Variants in CADM2 observed in about 807,000 individuals in gnomAD.
CADM2 encodes the protein cell adhesion molecule 2.
In CADM2, 12 loss-of-function variants were observed where a neutral mutation model predicts 49.8. The ratio of observed to expected loss-of-function variants is 0.24; its 90% confidence interval spans 0.15 to 0.39. The LOEUF (loss-of-function observed/expected upper bound fraction) is 0.39, where lower values mean the gene tolerates loss of function less well. Among genes scored for constraint, CADM2 ranks in the 10% least tolerant of loss-of-function variants. The probability of loss-of-function intolerance (pLI) is 1.00; values close to 1 mark genes in which losing one functional copy is unlikely to be tolerated. For missense variants in CADM2, 378 were observed against 492.3 expected (o/e 0.77, Z 2.20); for synonymous variants, 214 against 175.4 (o/e 1.22, Z -1.74).
chr3:85,751,222 C>T (rs959787271), intron 2 of CADM2, among the ~76,000 whole-genome samples: 6 of 152,020 alleles, frequency 3.9e-5, no homozygotes, highest in Non-Finnish European at 8.8e-5. Context: ...GTCTAACATT[C>T]ATTGAGAAAC....
intron 1 of CADM2, among the ~76,000 whole-genome samples, chr3:85,483,057 C>T (rs1278241536): frequency 6.6e-6 from 1 of 151,420 alleles, no homozygotes; most frequent in Non-Finnish European, 1.5e-5. Context: ...CTGCATTTCT[C>T]AAAACATAAC....
chr3:86,048,567 A>G (rs954314941), intron 8 of CADM2, among the ~76,000 whole-genome samples: 4 of 152,264 alleles, frequency 2.6e-5, no homozygotes, highest in East Asian at 3.9e-4. Context: ...AAATCCTATT[A>G]AAATTTAAAT....
At chr3:85,348,917 A>G (rs2031053745) in intron 1 of CADM2, among the ~76,000 whole-genome samples, 1 of 152,136 alleles carries the variant, frequency 6.6e-6, no homozygotes, top group East Asian at 1.9e-4. Flanking sequence ...GTTTTTCATC[A>G]ATGAATTTGA....
At chr3:85,659,618 T>A (rs951146925) in intron 1 of CADM2, among the ~76,000 whole-genome samples, 29 of 152,186 alleles carry the variant, frequency 1.9e-4, no homozygotes, top group Non-Finnish European at 3.8e-4. Flanking sequence ...AAGCTCTCCA[T>A]AAATCCTTAT....
intron 1 of CADM2, among the ~76,000 whole-genome samples, chr3:85,358,191 C>A (rs564198491): frequency 3.3e-5 from 5 of 152,158 alleles, no homozygotes; most frequent in Admixed American, 2.0e-4. Context: ...ATGCCAGTAG[C>A]ATCTTGTCCC....
Position 85,023,352 on chromosome 3 carries a change from A to C in CADM2, c.61+63684A>C, listed in dbSNP as rs542000304. ...ATTTTTTCCCTTTAATATGTCTTCT[A>C]TCTTATCAAACATGCTTTTTATTTG... is the stretch of plus-strand genomic sequence containing the variant. On this transcript the variant is annotated intron_variant, in intron 1 of 9. Transcript: ENST00000383699. 3.9e-5 allele frequency among the ~76,000 whole-genome samples: 6 copies of C among 152,040 alleles called. No homozygotes were observed. In the South Asian group the frequency reaches 1.2e-3, roughly 32 times the overall value.
At chr3:85,410,817 G>A (rs2107468252) in intron 1 of CADM2, among the ~76,000 whole-genome samples, 1 of 152,282 alleles carries the variant, frequency 6.6e-6, no homozygotes, top group Middle Eastern at 3.4e-3. Flanking sequence ...GAATTATAAT[G>A]ATTCTGCTGA....
At chr3:85,483,388 G>A (rs909587235) in intron 1 of CADM2, among the ~76,000 whole-genome samples, 2 of 150,992 alleles carry the variant, frequency 1.3e-5, no homozygotes, top group East Asian at 1.9e-4. Context: ...ATATGTTTGT[G>A]TATATGTAAA....
chr3:85,687,618 CT>C (rs1322369305), intron 1 of CADM2, among the ~76,000 whole-genome samples: 2 of 151,950 alleles, frequency 1.3e-5, no homozygotes, highest in African/African-American at 4.8e-5. Flanking sequence ...AATATTTGAT[CT>C]ATTTTATTTT....
At chr3:85,517,284 G>C (rs2106876078) in intron 1 of CADM2, among the ~76,000 whole-genome samples, 1 of 152,054 alleles carries the variant, frequency 6.6e-6, no homozygotes, top group South Asian at 2.1e-4. Flanking sequence ...ACCATTACTT[G>C]TGGTTTAGCT....
At chr3:85,367,389 T>C (rs188558560) in intron 1 of CADM2, among the ~76,000 whole-genome samples, 1 of 152,008 alleles carries the variant, frequency 6.6e-6, no homozygotes, top group East Asian at 2.0e-4. Flanking sequence ...AATGCAATAA[T>C]ACCAAGGCTA....
chr3:86,067,340 A>C lies in CADM2; in HGVS notation c.*557A>C, dbSNP rs1176125656. The C allele has an allele frequency of 6.5e-6, 1 of 152,730 alleles. No individual in the cohort carries two copies. Among genetic ancestry groups the C allele is most frequent in the African/African-American group, 2.4e-5 (1 of 41,458 alleles). The allele number at this position is 152,730 out of a possible 1,614,324, so 9.5% of individuals were successfully genotyped here. On this transcript the variant is annotated 3_prime_UTR_variant, in exon 10 of 10. Transcript: ENST00000383699. Reference sequence around the variant, plus strand: ...AAATTAAAAAAAAACACTATAGTGTAGTTTTTGGAATGTTGGAGATTATAC... The same window carrying C: ...AAATTAAAAAAAAACACTATAGTGTCGTTTTTGGAATGTTGGAGATTATAC...
chr3:85,995,034 AT>A (rs1255518220), intron 8 of CADM2, among the ~76,000 whole-genome samples: 1 of 150,356 alleles, frequency 6.7e-6, no homozygotes, highest in Non-Finnish European at 1.5e-5. Context: ...AAAAAAAAAA[AT>A]CATTATCTGC....
chr3:85,394,367 G>A (rs2034667687), intron 1 of CADM2, among the ~76,000 whole-genome samples: 2 of 151,864 alleles, frequency 1.3e-5, no homozygotes, highest in African/African-American at 4.8e-5. Context: ...CCATAATAAG[G>A]TATGATATGA....
At chr3:85,290,123 A>C (rs1216472216) in intron 1 of CADM2, among the ~76,000 whole-genome samples, 5 of 152,148 alleles carry the variant, frequency 3.3e-5, no homozygotes, top group Admixed American at 6.5e-5. Context: ...GCATTGCTTC[A>C]CTTGGGAAGC....
intron 1 of CADM2, among the ~76,000 whole-genome samples, chr3:85,155,588 A>T (rs1485544604): frequency 6.6e-6 from 1 of 152,108 alleles, no homozygotes; most frequent in African/African-American, 2.4e-5. Flanking sequence ...CATCAAGAGG[A>T]CCTAATAGAC....
chr3:85,414,405 T>G (rs959376955), intron 1 of CADM2, among the ~76,000 whole-genome samples: 1 of 152,174 alleles, frequency 6.6e-6, no homozygotes. Context: ...AGTGTGTCCT[T>G]TAAATGGTCA....
chr3:85,867,010 AG>A (rs1046915917), intron 3 of CADM2, among the ~76,000 whole-genome samples: 2 of 152,186 alleles, frequency 1.3e-5, no homozygotes, highest in Admixed American at 6.5e-5. Flanking sequence ...TTATGAAAAA[AG>A]TAGTCATTTC....
intron 1 of CADM2, among the ~76,000 whole-genome samples, chr3:85,500,535 T>G (rs75409063): frequency 6.6e-6 from 1 of 152,032 alleles, no homozygotes; most frequent in East Asian, 1.9e-4. Context: ...TTTTTTTTTT[T>G]GAGACGGAGT....
Sources: gnomAD v4.1 joint callset for allele counts (sites outside exome capture counted in the v4.1 genomes callset) on GRCh38, gnomAD v4.1.1 for gene constraint, MANE v1.5 for transcripts, NCBI Gene and HGNC (gene_info 2026-07-23, HGNC 2026-07-21) for gene names.